ZNF783: variants seen among roughly 807,000 people sequenced by gnomAD.
ZNF783 encodes the protein zinc finger protein 783.
In ZNF783, 25 loss-of-function variants were observed where a neutral mutation model predicts 31.3. The ratio of observed to expected loss-of-function variants is 0.80; its 90% CI spans 0.58 to 1.11. The LOEUF (loss-of-function observed/expected upper bound fraction) is 1.11, where lower values mean the gene tolerates loss of function less well. Among genes scored for constraint, ZNF783 ranks in the 50% most tolerant of loss-of-function variants. ZNF783 has a pLI of 0.00. For synonymous variants in ZNF783, 369 were observed against 319.1 expected (o/e 1.16, Z -1.66); for missense variants, 797 against 760.0 (o/e 1.05, Z -0.57).
chr7:149,281,982 G>C lies in ZNF783; in HGVS notation c.1280G>C (p.Gly427Ala). 6.3e-7 allele frequency: 1 copy of C among 1,575,524 alleles called. No homozygotes were observed. ...RSVAGGRALV[G>A]RRPAASKMYH... ...GTGGCAGGGGGCCGTGCCTTGGTGG[G>C]GCGGCGGCCTGCAGCCAGCAAGATG... Residue 427 changes from glycine to alanine, a missense_variant, in exon 6 of 6, where the codon GGG becomes GCG. Coordinates refer to ENST00000434415, the MANE Select transcript of ZNF783 (RefSeq NM_001195220.2).
At chr7:149,279,636 T>G (rs776619114) in intron 5 of ZNF783, among the ~76,000 whole-genome samples, 4,644 of 140,414 alleles carry the variant, frequency 0.033, 74 homozygotes, top group African/African-American at 0.046. Context: ...ATCTTTGTTT[T>G]TTTTTTTTTT....
intron 4 of ZNF783, among the ~76,000 whole-genome samples, chr7:149,267,795 T>TA (rs34568675): frequency 0.084 from 12,407 of 147,832 alleles, 527 homozygotes; most frequent in African/African-American, 0.11. Flanking sequence ...AGACTTCATC[T>TA]AAAAAAAAAA....
chr7:149,262,252 G>A lies in ZNF783; in HGVS notation c.-82G>A. 8.0e-7 allele frequency: 1 copy of A among 1,249,758 alleles called. No individual in the cohort carries two copies. Among genetic ancestry groups the A allele is most frequent in the Non-Finnish European group, 1.0e-6 (1 of 988,444 alleles). 77.4% of individuals were successfully genotyped at this position (1,249,758 alleles called of 1,614,324 possible). On this transcript the variant is annotated 5_prime_UTR_variant, in exon 1 of 6. Coordinates refer to ENST00000434415, the MANE Select transcript of ZNF783 (RefSeq NM_001195220.2). ...TCTCAGGTTAGGCGGGTCCCGCTCC[G>A]CTTCCGCCGTCGCTGCCGCGCCGCC... is the stretch of plus-strand genomic sequence containing the variant.
At chr7:149,263,756 G>A (rs62505136) in intron 1 of ZNF783, among the ~76,000 whole-genome samples, 34,350 of 152,020 alleles carry the variant, frequency 0.23, 4,224 homozygotes, top group East Asian at 0.46. Context: ...CTCAATAGAT[G>A]ATACCTACTA....
chr7:149,278,396 C>T lies in ZNF783; in HGVS notation c.674-3C>T, dbSNP rs1181799581. Reference sequence around the variant, plus strand: ...CTCAATGTCACTGATTTACATTCTCCAGGCCTCCCTCCGTATCCAGAGCAC... The same window carrying T: ...CTCAATGTCACTGATTTACATTCTCTAGGCCTCCCTCCGTATCCAGAGCAC... On this transcript the variant is annotated splice_region_variant and splice_polypyrimidine_tract_variant and intron_variant, in intron 4 of 5. Transcript: ENST00000434415. 2 of 1,599,174 alleles carry T rather than the reference C, an allele frequency of 1.3e-6. No homozygotes were observed. Among genetic ancestry groups the T allele is most frequent in the Admixed American group, 3.3e-5 (2 of 59,980 alleles).
At chr7:149,274,035 T>A (rs1020400651) in intron 4 of ZNF783, among the ~76,000 whole-genome samples, 3 of 152,228 alleles carry the variant, frequency 2.0e-5, no homozygotes, top group Non-Finnish European at 4.4e-5. Flanking sequence ...CTTTTCACTT[T>A]GTTGATTGAT....
chr7:149,275,382 G>T (rs914916474), intron 4 of ZNF783, among the ~76,000 whole-genome samples: 7 of 150,962 alleles, frequency 4.6e-5, no homozygotes, highest in African/African-American at 1.7e-4. Flanking sequence ...GCGCGATCTT[G>T]GCTCACTGCA....
intron 4 of ZNF783, chr7:149,276,708 T>A (rs1283393033): frequency 1.4e-6 from 1 of 736,364 alleles, no homozygotes; most frequent in Non-Finnish European, 1.6e-6. Context: ...TCTGGCCCCG[T>A]TGCCCAGGTT....
At chr7:149,263,448 C>T (rs1305081122) in intron 1 of ZNF783, among the ~76,000 whole-genome samples, 1 of 151,698 alleles carries the variant, frequency 6.6e-6, no homozygotes, top group Non-Finnish European at 1.5e-5. Context: ...GCCTCCCAAT[C>T]CCAAGTAGCT....
At position 149,278,393 on chromosome 7, in the gene ZNF783, C is replaced by T. The variant is rs764951159; in HGVS notation, c.674-6C>T. On this transcript the variant is annotated splice_region_variant and splice_polypyrimidine_tract_variant and intron_variant, in intron 4 of 5. Coordinates refer to ENST00000434415, the MANE Select transcript of ZNF783 (RefSeq NM_001195220.2). ...GTGCTCAATGTCACTGATTTACATTCTCCAGGCCTCCCTCCGTATCCAGAG... is the reference window on the plus strand; with the variant it reads ...GTGCTCAATGTCACTGATTTACATTTTCCAGGCCTCCCTCCGTATCCAGAG... 25 of 1,599,184 alleles carry T rather than the reference C, an allele frequency of 1.6e-5. No individual in the cohort carries two copies. The highest frequency in any genetic ancestry group is 2.0e-5 in the Non-Finnish European group (24 of 1,179,684).
At position 149,281,394 on chromosome 7, in the gene ZNF783, AC is replaced by A. The variant is rs1017390605; in HGVS notation, c.803-110del. The A allele has an allele frequency of 1.8e-5, 16 of 900,960 alleles. No homozygotes were observed. In the African/African-American group the frequency reaches 2.8e-4, roughly 16 times the overall value. 55.8% of individuals were successfully genotyped at this position (900,960 alleles called of 1,614,324 possible). A position where few individuals can be genotyped will look rare whatever the true frequency, so the allele number is the denominator to read the frequency against. On this transcript the variant is annotated intron_variant, in intron 5 of 5. Coordinates refer to ENST00000434415, the MANE Select transcript of ZNF783 (RefSeq NM_001195220.2). ...AGGACCCCTGCAATGTGCTGTGAGC[AC>A]TGTGGGGAGATAGGGCCCGGGCTGA...
Position 149,266,830 on chromosome 7 carries a change from C to T in ZNF783, c.432C>T (p.Thr144=). The T allele has an allele frequency of 6.2e-7, 1 of 1,613,994 alleles. No homozygotes were observed. Among genetic ancestry groups the T allele is most frequent in the South Asian group, 1.1e-5 (1 of 91,082 alleles). The change falls in exon 3 of 6, where the codon ACC becomes ACT. Residue 144 remains threonine, a synonymous_variant. Transcript: ENST00000434415. ...SKGEAPKVPV[T]FDDVAVYFSE... ...ACTTATGGTTCCAGGTGCCCGTGAC[C>T]TTCGATGATGTGGCCGTGTATTTCT...
chr7:149,263,243 A>T (rs1796979326), intron 1 of ZNF783, among the ~76,000 whole-genome samples: 1 of 148,528 alleles, frequency 6.7e-6, no homozygotes, highest in South Asian at 2.1e-4. Flanking sequence ...AAATTTTTTA[A>T]TTAAAAAAGT....
At position 149,262,346 on chromosome 7, in the gene ZNF783, G is replaced by A; in HGVS notation, c.13G>A (p.Ala5Thr). MAEA[A>T]PARDPETDKH... The stretch of plus-strand genomic sequence containing the variant: ...GACGCGGGCAGCCATGGCCGAAGCG[G>A]CGCCTGCCCGGGTAAGCGCCCTCGG... The change falls in exon 1 of 6, where the codon GCG becomes ACG. Residue 5 changes from alanine to threonine, a missense_variant. Transcript: ENST00000434415. The A allele has an allele frequency of 7.5e-7, 1 of 1,332,952 alleles. No individual in the cohort carries two copies. 82.6% of individuals were successfully genotyped at this position (1,332,952 alleles called of 1,614,324 possible). A position where few individuals can be genotyped will look rare whatever the true frequency, so the allele number is the denominator to read the frequency against.
In ZNF783 at chr7:149,284,364, G is replaced by A. The variant is rs1258890435; in HGVS notation, c.*2021G>A. On this transcript the variant is annotated 3_prime_UTR_variant, in exon 6 of 6. Transcript: ENST00000434415. ...GCTGTCATCTCTGGGAGGAGAGTGA[G>A]TATACAAGTCAGTGACAGTTCAGCC... is the stretch of plus-strand genomic sequence containing the variant. 1 of 152,316 alleles carries A rather than the reference G, an allele frequency of 6.6e-6. No individual in the cohort carries two copies. The highest frequency in any genetic ancestry group is 1.5e-5 in the Non-Finnish European group (1 of 68,120). The allele number at this position is 152,316 out of a possible 1,614,324, so 9.4% of individuals were successfully genotyped here.
chr7:149,266,823 C>T lies in ZNF783; in HGVS notation c.425C>T (p.Pro142Leu). 3 of 1,613,944 alleles carry T rather than the reference C, an allele frequency of 1.9e-6. No individual in the cohort carries two copies. The highest frequency in any genetic ancestry group is 2.5e-6 in the Non-Finnish European group (3 of 1,180,006). Residue 142 changes from proline (P) to leucine (L), a missense_variant, in exon 3 of 6, where the codon CCC (proline) becomes CTC (leucine). Coordinates refer to ENST00000434415, the MANE Select transcript of ZNF783 (RefSeq NM_001195220.2). ...PGSKGEAPKVPVTFDDVAVYF... is the reference protein window; with the variant it reads ...PGSKGEAPKVLVTFDDVAVYF... ...GTGCGACACTTATGGTTCCAGGTGC[C>T]CGTGACCTTCGATGATGTGGCCGTG...
At chr7:149,278,676 G>A in intron 5 of ZNF783, 149 bp downstream of exon 5, 1 of 1,345,258 alleles carries the variant, frequency 7.4e-7, no homozygotes, top group Non-Finnish European at 9.9e-7. Flanking sequence ...AGGCTTTCTG[G>A]GAAAGAGGCC....
intron 4 of ZNF783, among the ~76,000 whole-genome samples, chr7:149,271,637 A>G (rs1797213403): frequency 6.6e-6 from 1 of 152,216 alleles, no homozygotes; most frequent in African/African-American, 2.4e-5. Flanking sequence ...AATATGTAAG[A>G]TATTTTATGT....
At chr7:149,280,559 G>A (rs1171778882) in intron 5 of ZNF783, among the ~76,000 whole-genome samples, 1 of 152,168 alleles carries the variant, frequency 6.6e-6, no homozygotes, top group East Asian at 1.9e-4. Flanking sequence ...TCCCCATCGT[G>A]GTCTGGTCTG....
Sources: allele counts gnomAD v4.1 joint callset (sites outside exome capture counted in the v4.1 genomes callset), GRCh38; gene constraint gnomAD v4.1.1; transcripts MANE v1.5; gene names NCBI Gene and HGNC (gene_info 2026-07-23, HGNC 2026-07-21).